The following CAST variants were observed in gnomAD, a reference collection of about 807,000 sequenced individuals.
CAST encodes the protein MIR583 host.
In CAST, 76 loss-of-function variants were observed where a neutral mutation model predicts 119.6. The ratio of observed to expected loss-of-function variants is 0.64; its 90% CI spans 0.53 to 0.77. The LOEUF (loss-of-function observed/expected upper bound fraction) is 0.77. Among genes scored for constraint, CAST ranks in the 30% least tolerant of loss-of-function variants. The probability of loss-of-function intolerance (pLI) is 0.00; values close to 1 mark genes in which losing one functional copy is unlikely to be tolerated. For synonymous variants in CAST, 319 were observed against 331.6 expected (o/e 0.96, Z 0.41); for missense variants, 953 against 946.5 (o/e 1.01, Z -0.09).
chr5:96,446,173 A>G, the CAST span, among the ~76,000 whole-genome samples: 1 of 128,548 alleles, frequency 7.8e-6, no homozygotes, highest in Non-Finnish European at 1.6e-5. Flanking sequence ...AATAATTTTT[A>G]GTGTACAAAA....
At chr5:96,438,282 C>A in the CAST span, among the ~76,000 whole-genome samples, 10 of 152,122 alleles carry the variant, frequency 6.6e-5, no homozygotes, top group African/African-American at 2.4e-4. Flanking sequence ...CTTGTGTATA[C>A]CGTTCATGCA....
the CAST span, among the ~76,000 whole-genome samples, chr5:96,325,785 T>A: frequency 7.9e-5 from 12 of 152,246 alleles, no homozygotes; most frequent in African/African-American, 2.6e-4. Context: ...CAGCCTCCGA[T>A]CTCTTAGAAA....
chr5:96,739,523 G>T (rs1423949626), intron 11 of CAST, among the ~76,000 whole-genome samples: 2 of 152,098 alleles, frequency 1.3e-5, no homozygotes, highest in Non-Finnish European at 2.9e-5. Flanking sequence ...CGTTGTTTAT[G>T]GTTACCTACA....
chr5:96,598,998 G>A (rs769348618), intron 1 of CAST, among the ~76,000 whole-genome samples: 3 of 152,022 alleles, frequency 2.0e-5, no homozygotes, highest in Non-Finnish European at 2.9e-5. Flanking sequence ...CTACATCTTC[G>A]GACCCAGACT....
chr5:96,209,841 A>AT, the CAST span, among the ~76,000 whole-genome samples: 2 of 151,474 alleles, frequency 1.3e-5, no homozygotes, highest in Admixed American at 6.6e-5. Context: ...TCTCACAGGC[A>AT]TTTTTTACAT....
chr5:96,717,982 A>G (rs1757485788), intron 3 of CAST, among the ~76,000 whole-genome samples: 1 of 152,220 alleles, frequency 6.6e-6, no homozygotes, highest in African/African-American at 2.4e-5. Flanking sequence ...GTTTCTATCC[A>G]GGTATGGGTG....
the CAST span, among the ~76,000 whole-genome samples, chr5:96,240,143 C>T: frequency 6.6e-6 from 1 of 151,972 alleles, no homozygotes; most frequent in African/African-American, 2.4e-5. Flanking sequence ...TTCATAATTC[C>T]ATATCAATAT....
At chr5:95,978,818 CTTA>C in the CAST span, among the ~76,000 whole-genome samples, 1 of 152,254 alleles carries the variant, frequency 6.6e-6, no homozygotes, top group South Asian at 2.1e-4. Context: ...TCATGGTACA[CTTA>C]ACAAAATCAG....
the CAST span, among the ~76,000 whole-genome samples, chr5:96,334,406 A>G: frequency 6.6e-6 from 1 of 152,124 alleles, no homozygotes; most frequent in Admixed American, 6.5e-5. Context: ...CCCTAGTGCA[A>G]CTTGGGTGAG....
At chr5:96,174,862 T>C in the CAST span, among the ~76,000 whole-genome samples, 3 of 152,192 alleles carry the variant, frequency 2.0e-5, no homozygotes, top group African/African-American at 7.2e-5. Flanking sequence ...GCAAATAATA[T>C]ATTTAAAGGT....
At chr5:96,406,343 T>A in the CAST span, among the ~76,000 whole-genome samples, 1 of 152,216 alleles carries the variant, frequency 6.6e-6, no homozygotes, top group African/African-American at 2.4e-5. Flanking sequence ...TCTCAGCTTG[T>A]GTTCATAGAT....
the CAST span, among the ~76,000 whole-genome samples, chr5:96,143,350 C>G: frequency 6.6e-6 from 1 of 152,230 alleles, no homozygotes; most frequent in African/African-American, 2.4e-5. Flanking sequence ...AGTGTGCCAC[C>G]TGTATGCACT....
chr5:96,496,388 G>A, the CAST span, among the ~76,000 whole-genome samples: 1 of 152,248 alleles, frequency 6.6e-6, no homozygotes, highest in African/African-American at 2.4e-5. Flanking sequence ...TAGCTTTCTG[G>A]CCCCTCGGCT....
the CAST span, among the ~76,000 whole-genome samples, chr5:96,224,056 A>T: frequency 5.3e-5 from 8 of 152,182 alleles, no homozygotes; most frequent in Non-Finnish European, 1.2e-4. Flanking sequence ...AATCTCTCTG[A>T]TCCACAGAAA....
the CAST span, among the ~76,000 whole-genome samples, chr5:96,281,173 T>C: frequency 6.6e-6 from 1 of 152,320 alleles, no homozygotes; most frequent in South Asian, 2.1e-4. Flanking sequence ...TTCCTCATGG[T>C]TGCTGATTCA....
At chr5:96,377,881 A>G in the CAST span, among the ~76,000 whole-genome samples, 1 of 152,188 alleles carries the variant, frequency 6.6e-6, no homozygotes, top group African/African-American at 2.4e-5. Flanking sequence ...TGCATTATTG[A>G]TAATAATCAA....
chr5:96,531,407 C>G (rs1170306741), intron 1 of CAST, among the ~76,000 whole-genome samples: 1 of 152,126 alleles, frequency 6.6e-6, no homozygotes, highest in East Asian at 1.9e-4. Context: ...CACACTCACC[C>G]CCGCATTTTG....
the CAST span, among the ~76,000 whole-genome samples, chr5:96,068,063 G>C: frequency 6.6e-6 from 1 of 152,090 alleles, no homozygotes; most frequent in East Asian, 1.9e-4. Flanking sequence ...AGAGTGTGAG[G>C]GAAGATGTAG....
chr5:96,385,980 T>G, the CAST span, among the ~76,000 whole-genome samples: 2 of 152,210 alleles, frequency 1.3e-5, no homozygotes, highest in African/African-American at 4.8e-5. Flanking sequence ...TGCATGACCT[T>G]AAGCAAGTAA....
Sources: allele counts gnomAD v4.1 joint callset (sites outside exome capture counted in the v4.1 genomes callset), GRCh38; gene constraint gnomAD v4.1.1; transcripts MANE v1.5; gene names NCBI Gene and HGNC (gene_info 2026-07-23, HGNC 2026-07-21).